RPL13: variants seen among roughly 807,000 people sequenced by gnomAD.
RPL13 encodes large ribosomal subunit protein eL13.
Under a neutral mutation model 21.4 loss-of-function variants are expected in RPL13, and 1 was observed. The ratio of observed to expected loss-of-function variants is 0.05; its 90% CI spans 0.02 to 0.22. The LOEUF (loss-of-function observed/expected upper bound fraction) is 0.22. Ranked by LOEUF, RPL13 falls within the 10% of genes least tolerant of loss-of-function variation. The pLI is 1.00. For synonymous variants in RPL13, 143 were observed against 120.5 expected, an observed-to-expected ratio of 1.19 and a Z score of -1.23; for missense variants, 289 against 303.0, an observed-to-expected ratio of 0.95 and a Z score of 0.34.
At chr16:89,561,184 G>A in intron 2 of RPL13, 43 bp from the exon 3 acceptor site, 1 of 1,517,496 alleles carries the variant, frequency 6.6e-7, no homozygotes, top group Admixed American at 2.1e-5. Context: ...CTGGCCTGGC[G>A]GCCTTAGGCA....
In RPL13 at chr16:89,564,033, A is replaced by G. The variant is rs1159144151; in HGVS notation, c.*991A>G. 1.3e-5 allele frequency: 2 copies of G among 152,224 alleles called. No individual in the cohort carries two copies. Among genetic ancestry groups the G allele is most frequent in the African/African-American group, 2.4e-5 (1 of 41,454 alleles). 9.4% of individuals were successfully genotyped at this position (152,224 alleles called of 1,614,324 possible). Reference sequence around the variant, plus strand: ...CATGTCTTCTGTGTCCGAGGGCAGCATGGTTTCTCGTGCAGTGCTCAGACA... The same window carrying G: ...CATGTCTTCTGTGTCCGAGGGCAGCGTGGTTTCTCGTGCAGTGCTCAGACA... On this transcript the variant is annotated 3_prime_UTR_variant, in exon 6 of 6. Coordinates refer to ENST00000311528, the MANE Select transcript of RPL13 (RefSeq NM_000977.4).
rs1597674970 is a variant in RPL13, at chr16:89,561,679, G to A, written c.348G>A (p.Arg116=). 1.9e-6 allele frequency: 3 copies of A among 1,613,882 alleles called. No homozygotes were observed. The highest frequency in any genetic ancestry group is 2.5e-6 in the Non-Finnish European group (3 of 1,180,038). ...STESLQANVQ[R]LKEYRSKLIL... is the part of the protein sequence containing the mutation. ...AGTCCCTGCAGGCCAACGTGCAGCG[G>A]CTGAAGGAGTACCGCTCCAAACTCA... The change falls in exon 4 of 6, where the codon CGG becomes CGA. Residue 116 remains arginine (R), a synonymous_variant. Coordinates refer to ENST00000311528, the MANE Select transcript of RPL13 (RefSeq NM_000977.4).
rs549189893 is a variant in RPL13 at position 89,564,190 on chromosome 16, C to T, written c.*1148C>T. On this transcript the variant is annotated 3_prime_UTR_variant, in exon 6 of 6. Coordinates refer to ENST00000311528, the MANE Select transcript of RPL13 (RefSeq NM_000977.4). Reference sequence around the variant, plus strand: ...TTGTCTACATGCCTCTGCCGGGTGCCGGTATTGAGGCACCCAGGGAGCTGT... The same window carrying T: ...TTGTCTACATGCCTCTGCCGGGTGCTGGTATTGAGGCACCCAGGGAGCTGT... The T allele has an allele frequency of 7.2e-5, 11 of 152,136 alleles. No homozygotes were observed. The highest frequency in any genetic ancestry group is 2.6e-4 in the Admixed American group (4 of 15,290). The allele number at this position is 152,136 out of a possible 1,614,324, so 9.4% of individuals were successfully genotyped here. A position where few individuals can be genotyped will look rare whatever the true frequency, so the allele number is the denominator to read the frequency against.
intron 4 of RPL13, chr16:89,562,079 G>C (rs1360279400): frequency 6.8e-6 from 4 of 587,094 alleles, no homozygotes; most frequent in African/African-American, 1.9e-5. Flanking sequence ...AGTTAAATTA[G>C]GGAACAGTTT....
chr16:89,563,482 AG>A lies in RPL13; in HGVS notation c.*442del, dbSNP rs1443164935. On this transcript the variant is annotated 3_prime_UTR_variant, in exon 6 of 6. Transcript: ENST00000311528. ...TGTAGTTGCAGCTCCTGGGAGGCAG[AG>A]GTGAGGGATCACTTAACCCAGGAGG... is the stretch of plus-strand genomic sequence containing the variant. 3 of 152,100 alleles carry A rather than the reference AG, an allele frequency of 2.0e-5. No homozygotes were observed. Among genetic ancestry groups the A allele is most frequent in the Non-Finnish European group, 2.9e-5 (2 of 68,148 alleles). 9.4% of individuals were successfully genotyped at this position (152,100 alleles called of 1,614,324 possible).
chr16:89,562,568 G>T, intron 5 of RPL13, 177 bp downstream of exon 5: 6 of 616,500 alleles, frequency 9.7e-6, no homozygotes, highest in Non-Finnish European at 1.7e-5. Context: ...CAACCATGAA[G>T]CCATACATTG....
chr16:89,566,746 C>G (rs1344604203), downstream of RPL13: 1 of 152,040 alleles, frequency 6.6e-6, no homozygotes, highest in East Asian at 1.9e-4. Context: ...ACACGTGTAC[C>G]TCGCCCATCC....
rs542224537 is a variant in RPL13, at chr16:89,561,519, A to G, written c.247-59A>G. 1.9e-5 allele frequency: 30 copies of G among 1,612,744 alleles called. No homozygotes were observed. The East Asian group carries it at 6.2e-4, about 34-fold the overall frequency. ...ATCTGATTGCTGAGGCTTTTCATCC[A>G]GGCCTCGGGGCTGGAGAAAGCCCGG... On this transcript the variant is annotated intron_variant, in intron 3 of 5. Coordinates refer to ENST00000311528, the MANE Select transcript of RPL13 (RefSeq NM_000977.4).
rs779965054 is a variant in RPL13, at chr16:89,561,311, G to T, written c.189G>T (p.Thr63=). 3 of 1,587,202 alleles carry T rather than the reference G, an allele frequency of 1.9e-6. No homozygotes were observed. Among genetic ancestry groups the T allele is most frequent in the Non-Finnish European group, 2.6e-6 (3 of 1,171,538 alleles). ...TCCGGCCCATCGTGCGCTGCCCCACGGTTCGGTACCACACGAAGGTGCGCG... is the reference window on the plus strand; with the variant it reads ...TCCGGCCCATCGTGCGCTGCCCCACTGTTCGGTACCACACGAAGGTGCGCG... ...GPIRPIVRCP[T]VRYHTKVRAG... The change falls in exon 3 of 6, where the codon ACG becomes ACT. Residue 63 remains threonine, a synonymous_variant. Coordinates refer to ENST00000311528, the MANE Select transcript of RPL13 (RefSeq NM_000977.4).
chr16:89,564,157 AT>A lies in RPL13; in HGVS notation c.*1117del, dbSNP rs1305183143. 6 of 152,104 alleles carry A rather than the reference AT, an allele frequency of 3.9e-5. No homozygotes were observed. Among genetic ancestry groups the A allele is most frequent in the African/African-American group, 1.4e-4 (6 of 41,432 alleles). 9.4% of individuals were successfully genotyped at this position (152,104 alleles called of 1,614,324 possible). Reference sequence around the variant, plus strand: ...GAAGCAGCTTCAGGGACCGAGTCAGATTCTGTTTTGTCTACATGCCTCTGCC... The same window carrying A: ...GAAGCAGCTTCAGGGACCGAGTCAGATCTGTTTTGTCTACATGCCTCTGCC... On this transcript the variant is annotated 3_prime_UTR_variant, in exon 6 of 6. Transcript: ENST00000311528.
intron 5 of RPL13, 186 bp downstream of exon 5, chr16:89,562,577 T>G: frequency 1.7e-6 from 1 of 603,472 alleles, no homozygotes; most frequent in Non-Finnish European, 2.8e-6. Context: ...AGCCATACAT[T>G]GGGAAGTATT....
downstream of RPL13, chr16:89,565,099 A>T (rs914560817): frequency 1.3e-5 from 2 of 152,352 alleles, no homozygotes; most frequent in African/African-American, 4.8e-5. Context: ...ACTGAAAGTC[A>T]CAGTCTCCAG....
downstream of RPL13, chr16:89,566,330 C>T (rs61432033): frequency 3.3e-5 from 5 of 152,346 alleles, no homozygotes; most frequent in African/African-American, 9.6e-5. Flanking sequence ...TCGCCTGCCT[C>T]GGTGATGCAC....
At chr16:89,561,998 A>C (rs1048939074) in intron 4 of RPL13, 1 of 591,156 alleles carries the variant, frequency 1.7e-6, no homozygotes, top group Non-Finnish European at 3.0e-6. Flanking sequence ...AATGCTTCGT[A>C]TTCCAAAATA....
At chr16:89,562,623 A>G in intron 5 of RPL13, 1 of 584,946 alleles carries the variant, frequency 1.7e-6, no homozygotes, top group South Asian at 2.4e-5. Context: ...GTTGTTGGAA[A>G]GAGAGTTTCT....
Position 89,561,229 on chromosome 16 carries a change from G to A in RPL13, c.107G>A (p.Arg36His), listed in dbSNP as rs1003342248. 6.5e-7 allele frequency: 1 copy of A among 1,544,066 alleles called. No homozygotes were observed. The highest frequency in any genetic ancestry group is 1.9e-5 in the Admixed American group (1 of 51,634). ...FNQPARKIRRRKARQAKARRI... is the reference protein window; with the variant it reads ...FNQPARKIRRHKARQAKARRI... Reference sequence around the variant, plus strand: ...GCCGCTGCGCTTCTCTCCACCAGACGTAAGGCCCGGCAAGCCAAGGCGCGC... The same window carrying A: ...GCCGCTGCGCTTCTCTCCACCAGACATAAGGCCCGGCAAGCCAAGGCGCGC... The change falls in exon 3 of 6, where the codon CGT becomes CAT. Residue 36 changes from arginine (R) to histidine (H), a missense_variant and splice_region_variant. Transcript: ENST00000311528.
At chr16:89,561,882 G>T (rs1216248321) in intron 4 of RPL13, 131 bp downstream of exon 4, 2 of 991,950 alleles carry the variant, frequency 2.0e-6, no homozygotes, top group Non-Finnish European at 2.9e-6. Flanking sequence ...GAGCTAAGCG[G>T]GACTGCTAAG....
In RPL13 at chr16:89,563,520, C is replaced by G. The variant is rs57775530; in HGVS notation, c.*478C>G. On this transcript the variant is annotated 3_prime_UTR_variant, in exon 6 of 6. Coordinates refer to ENST00000311528, the MANE Select transcript of RPL13 (RefSeq NM_000977.4). ...CTTAACCCAGGAGGCAGAGGCTGCA[C>G]TGAGCCAGGATCACGCCACTGCACT... The G allele has an allele frequency of 0.17, 26,545 of 151,874 alleles. 2,438 individuals are homozygous for G. The highest frequency in any genetic ancestry group is 0.2 in the African/African-American group (8,328 of 41,336). The allele number at this position is 151,874 out of a possible 1,614,324, so 9.4% of individuals were successfully genotyped here. A position where few individuals can be genotyped will look rare whatever the true frequency, so the allele number is the denominator to read the frequency against.
At chr16:89,566,438 T>C (rs2058791862), downstream of RPL13, 3 of 152,240 alleles carry the variant, frequency 2.0e-5, no homozygotes, top group South Asian at 6.2e-4. Context: ...TTATTTTGCT[T>C]TTTCTTTTGG....
Sources: gnomAD v4.1 joint callset for allele counts on GRCh38, gnomAD v4.1.1 for gene constraint, MANE v1.5 for transcripts, NCBI Gene and HGNC (gene_info 2026-07-23, HGNC 2026-07-21) for gene names.